Variants in ATXN8OS observed in about 807,000 individuals in gnomAD.
The protein encoded by ATXN8OS is ATXN8 opposite strand (non-protein coding).
intron 2 of ATXN8OS, among the ~76,000 whole-genome samples, chr13:70,121,399 A>G (rs548562770): frequency 7.2e-5 from 11 of 152,202 alleles, no homozygotes; most frequent in South Asian, 4.1e-4. Context: ...TTCTATCTCC[A>G]ATAGAAACTG....
At chr13:70,124,250 T>C (rs1888397928) in intron 2 of ATXN8OS, among the ~76,000 whole-genome samples, 1 of 152,164 alleles carries the variant, frequency 6.6e-6, no homozygotes, top group African/African-American at 2.4e-5. Flanking sequence ...TGTCACCTGC[T>C]TCACACTTTT....
upstream of ATXN8OS, chr13:70,107,531 G>T (rs769949629): frequency 4.3e-6 from 7 of 1,610,998 alleles, no homozygotes; most frequent in Non-Finnish European, 5.9e-6. Context: ...TGGCTTTTGA[G>T]CAGGCGACTC....
At chr13:70,167,094 G>A (rs1477701103) in intron 4 of ATXN8OS, among the ~76,000 whole-genome samples, 2 of 151,920 alleles carry the variant, frequency 1.3e-5, no homozygotes, top group Non-Finnish European at 1.5e-5. Flanking sequence ...CAACCATTGT[G>A]GAAGTCAGTG....
intron 4 of ATXN8OS, among the ~76,000 whole-genome samples, chr13:70,164,690 A>C (rs1889058422): frequency 6.6e-6 from 1 of 152,038 alleles, no homozygotes; most frequent in South Asian, 2.1e-4. Context: ...AAGAATGCCT[A>C]AAAGCAAGAT....
At chr13:70,124,789 T>C (rs979002887) in intron 2 of ATXN8OS, among the ~76,000 whole-genome samples, 1 of 152,126 alleles carries the variant, frequency 6.6e-6, no homozygotes, top group Non-Finnish European at 1.5e-5. Flanking sequence ...TGTCATCTCC[T>C]TTGTACACTA....
At position 70,139,383 on chromosome 13, in the gene ATXN8OS, A is replaced by ACTACTACTACTACTGCTG; in HGVS notation, n.500-7970_500-7969insACTACTACTACTGCTGCT. On this transcript the variant is annotated intron_variant and non_coding_transcript_variant, in intron 3 of 4. Transcript: ENST00000678624. ...TACTACTACTACTACTACTACTACT[A>ACTACTACTACTACTGCTG]CTGCTGCTGCTGCTGCTGCTGCTGC... The ACTACTACTACTACTGCTG allele has an allele frequency of 6.8e-5, 31 of 458,344 alleles. 1 individual carries two copies. Among genetic ancestry groups the ACTACTACTACTACTGCTG allele is most frequent in the South Asian group, 2.9e-4 (9 of 30,584 alleles). 28.4% of individuals were successfully genotyped at this position (458,344 alleles called of 1,614,324 possible).
intron 3 of ATXN8OS, among the ~76,000 whole-genome samples, chr13:70,134,583 G>T (rs1315707027): frequency 6.6e-6 from 1 of 152,156 alleles, no homozygotes; most frequent in Non-Finnish European, 1.5e-5. Flanking sequence ...GACAGGAAGA[G>T]AAATCTAAAC....
chr13:70,153,861 AT>A (rs1022935247), intron 4 of ATXN8OS, among the ~76,000 whole-genome samples: 1 of 151,650 alleles, frequency 6.6e-6, no homozygotes, highest in Non-Finnish European at 1.5e-5. Flanking sequence ...TTTTCTTTCT[AT>A]TTTTTGTAGA....
At chr13:70,122,817 T>C (rs1888380670) in intron 2 of ATXN8OS, among the ~76,000 whole-genome samples, 1 of 151,938 alleles carries the variant, frequency 6.6e-6, no homozygotes, top group Non-Finnish European at 1.5e-5. Flanking sequence ...ATGAGAGGAA[T>C]ATTATAAAAA....
intron 3 of ATXN8OS, among the ~76,000 whole-genome samples, chr13:70,133,235 G>A: frequency 6.6e-6 from 1 of 152,084 alleles, no homozygotes; most frequent in Non-Finnish European, 1.5e-5. Context: ...GTGAGACCTT[G>A]TGTCTACAAA....
chr13:70,141,860 A>ATATATG (rs1206473399), intron 3 of ATXN8OS, among the ~76,000 whole-genome samples: 2 of 152,140 alleles, frequency 1.3e-5, no homozygotes, highest in East Asian at 1.9e-4. Flanking sequence ...ATACATACAT[A>ATATATG]TATATGTATA....
At chr13:70,125,685 T>C (rs553439405) in intron 2 of ATXN8OS, among the ~76,000 whole-genome samples, 10 of 152,308 alleles carry the variant, frequency 6.6e-5, no homozygotes, top group African/African-American at 2.4e-4. Flanking sequence ...TCTGAAATGT[T>C]TGATGATGTT....
At chr13:70,163,216 T>C (rs1056133826) in intron 4 of ATXN8OS, among the ~76,000 whole-genome samples, 2 of 152,074 alleles carry the variant, frequency 1.3e-5, no homozygotes, top group African/African-American at 4.8e-5. Context: ...ACTGGCCCTA[T>C]GCAGCAATTA....
intron 3 of ATXN8OS, chr13:70,129,935 T>C (rs1888506720): frequency 2.5e-6 from 1 of 398,230 alleles, no homozygotes; most frequent in Non-Finnish European, 4.4e-6. Flanking sequence ...TGTGTGCCAT[T>C]AGTGCCTCCT....
intron 4 of ATXN8OS, among the ~76,000 whole-genome samples, chr13:70,148,122 G>A (rs1185753724): frequency 1.3e-5 from 2 of 152,086 alleles, no homozygotes; most frequent in East Asian, 3.9e-4. Flanking sequence ...GCAGGCTTCA[G>A]ATAGAATAGA....
At chr13:70,124,359 A>T (rs1888399647) in intron 2 of ATXN8OS, among the ~76,000 whole-genome samples, 1 of 152,110 alleles carries the variant, frequency 6.6e-6, no homozygotes, top group African/African-American at 2.4e-5. Flanking sequence ...TTGTGTGCAG[A>T]AAAATGAAGC....
intron 2 of ATXN8OS, among the ~76,000 whole-genome samples, chr13:70,118,113 C>A (rs1298857934): frequency 6.6e-6 from 1 of 152,026 alleles, no homozygotes; most frequent in Non-Finnish European, 1.5e-5. Context: ...ATTCTAAAAT[C>A]ATTTCAAGTA....
chr13:70,146,188 G>T (rs1888784007), intron 3 of ATXN8OS, among the ~76,000 whole-genome samples: 1 of 150,364 alleles, frequency 6.7e-6, no homozygotes, highest in Non-Finnish European at 1.5e-5. Context: ...GGCCATCAGA[G>T]AAATGCAAAT....
At chr13:70,118,898 T>G (rs1423985029) in intron 2 of ATXN8OS, among the ~76,000 whole-genome samples, 1 of 151,646 alleles carries the variant, frequency 6.6e-6, no homozygotes, top group African/African-American at 2.4e-5. Context: ...AGTGGCACAA[T>G]CTTGGCTCAG....
Sources: gnomAD v4.1 joint callset for allele counts (sites outside exome capture counted in the v4.1 genomes callset) on GRCh38, gnomAD v4.1.1 for gene constraint, MANE v1.5 for transcripts, NCBI Gene and HGNC (gene_info 2026-07-23, HGNC 2026-07-21) for gene names.